The following NLGN4X variants were observed in gnomAD, a reference collection of about 807,000 sequenced individuals.
The protein encoded by NLGN4X is neuroligin 4 X-linked, also known as neuroligin-4, X-linked.
Under a neutral mutation model 40.3 loss-of-function variants are expected in NLGN4X, and 3 were observed. The ratio of observed to expected loss-of-function variants is 0.07; its 90% CI spans 0.03 to 0.19. The LOEUF (loss-of-function observed/expected upper bound fraction) is 0.19, where lower values mean the gene tolerates loss of function less well. Ranked by LOEUF, NLGN4X falls within the 10% of genes least tolerant of loss-of-function variation. NLGN4X has a pLI of 1.00. For synonymous variants in NLGN4X, 270 were observed against 306.8 expected (o/e 0.88, Z 1.25); for missense variants, 382 against 708.3 (o/e 0.54, Z 5.23).
intron 3 of NLGN4X, among the ~76,000 whole-genome samples, chrX:5,957,326 T>C (rs1462342892): frequency 9.0e-6 from 1 of 111,683 alleles, no homozygotes; most frequent in Admixed American, 9.6e-5. Context: ...AACTTTAGCA[T>C]CTGAGTTCCA....
intron 2 of NLGN4X, among the ~76,000 whole-genome samples, chrX:6,091,419 C>T (rs771116746): frequency 1.2e-4 from 13 of 111,219 alleles, no homozygotes; most frequent in African/African-American, 4.2e-4. Context: ...TGTCTTACAT[C>T]CTGTGTTCCA....
intron 3 of NLGN4X, among the ~76,000 whole-genome samples, chrX:5,919,653 G>A (rs1443486723): frequency 9.0e-6 from 1 of 111,497 alleles, no homozygotes; most frequent in Non-Finnish European, 1.9e-5. Flanking sequence ...TCTCATAGGA[G>A]TGTGAACCCT....
intron 2 of NLGN4X, among the ~76,000 whole-genome samples, chrX:6,124,754 A>G (rs1252516520): frequency 8.9e-6 from 1 of 111,976 alleles, no homozygotes; most frequent in Admixed American, 9.5e-5. Context: ...GTGGGTATCT[A>G]TGGAAACCTA....
At position 6,110,487 on chromosome X, in the gene NLGN4X, A is replaced by T. The variant is rs1055535379; in HGVS notation, c.472+40508T>A. ...AACCCTATAAGCAGATACGCAGCAG[A>T]TTGGTTCTTCTAATATGCTTCTCTA... On this transcript the variant is annotated intron_variant, in intron 2 of 5. Coordinates refer to ENST00000381095, the MANE Select transcript of NLGN4X (RefSeq NM_181332.3). Among the ~76,000 whole-genome samples the T allele has an allele frequency of 1.6e-4, 18 of 111,946 alleles. 1 individual carries two copies. Among genetic ancestry groups the T allele is most frequent in the African/African-American group, 5.9e-4 (18 of 30,747 alleles).
intron 2 of NLGN4X, among the ~76,000 whole-genome samples, chrX:6,052,910 G>A (rs1245421184): frequency 8.9e-6 from 1 of 112,122 alleles, no homozygotes; most frequent in Non-Finnish European, 1.9e-5. Flanking sequence ...CTTCCCTGGT[G>A]TTTTGAAAAC....
intron 3 of NLGN4X, among the ~76,000 whole-genome samples, chrX:5,924,184 T>A (rs1479572340): frequency 2.7e-5 from 3 of 111,674 alleles, no homozygotes; most frequent in Non-Finnish European, 5.6e-5. Context: ...CGAAGATGTA[T>A]CTGGGTCCAC....
chrX:6,071,201 G>A (rs1275096788), intron 2 of NLGN4X, among the ~76,000 whole-genome samples: 1 of 111,699 alleles, frequency 9.0e-6, no homozygotes, highest in African/African-American at 3.3e-5. Context: ...ATATGAAACA[G>A]TGTGTATTGC....
At chrX:5,990,968 C>A (rs192840106) in intron 3 of NLGN4X, among the ~76,000 whole-genome samples, 11 of 111,073 alleles carry the variant, frequency 9.9e-5, no homozygotes, top group African/African-American at 3.7e-4. Context: ...TACAATAATA[C>A]CAGCACATGC....
At chrX:6,030,394 A>ATGTGTGTGTGTG (rs35006258) in intron 2 of NLGN4X, among the ~76,000 whole-genome samples, 65 of 100,133 alleles carry the variant, frequency 6.5e-4, no homozygotes, top group African/African-American at 2.2e-3. Context: ...GGATACAGAT[A>ATGTGTGTGTGTG]TGTGTGTGTG....
rs1001508631 is a variant in NLGN4X, at chrX:6,179,692, C to T, written c.-305-27921G>A. Among the ~76,000 whole-genome samples the T allele has an allele frequency of 1.1e-4, 12 of 111,643 alleles. No individual in the cohort carries two copies. The Admixed American group carries it at 1.1e-3, about 11-fold the overall frequency. ...TCATTGCTTTCAGTTTTCTCAGTAG[C>T]GACCATTTGCCACCTGCAGCCCAAT... On this transcript the variant is annotated intron_variant, in intron 1 of 5. Coordinates refer to ENST00000381095, the MANE Select transcript of NLGN4X (RefSeq NM_181332.3).
chrX:6,207,727 G>A (rs1489498173), intron 1 of NLGN4X, among the ~76,000 whole-genome samples: 1 of 111,562 alleles, frequency 9.0e-6, no homozygotes, highest in Non-Finnish European at 1.9e-5. Flanking sequence ...AATGAAATGA[G>A]GCTTATTGCT....
intron 3 of NLGN4X, among the ~76,000 whole-genome samples, chrX:5,953,033 C>G (rs184929304): frequency 9.1e-6 from 1 of 110,483 alleles, no homozygotes; most frequent in African/African-American, 3.3e-5. Context: ...GTATCTCGTT[C>G]ACTATCCAAA....
chrX:5,906,185 G>T (rs769624681), intron 4 of NLGN4X, among the ~76,000 whole-genome samples: 1 of 111,799 alleles, frequency 8.9e-6, no homozygotes, highest in South Asian at 3.8e-4. Context: ...TGAAAATCGA[G>T]GTATTTTCAA....
At chrX:5,907,360 C>T (rs2032241957) in intron 4 of NLGN4X, among the ~76,000 whole-genome samples, 1 of 111,672 alleles carries the variant, frequency 9.0e-6, no homozygotes, top group South Asian at 3.7e-4. Context: ...AGTCTCTCAT[C>T]GGATACTGCA....
At chrX:6,173,062 G>C (rs866215513) in intron 1 of NLGN4X, among the ~76,000 whole-genome samples, 21 of 111,954 alleles carry the variant, frequency 1.9e-4, no homozygotes, top group Non-Finnish European at 3.4e-4. Flanking sequence ...GGACAGATAC[G>C]GAGTCTGGGC....
rs984148848 is a variant in NLGN4X, at chrX:6,111,799, T to C, written c.472+39196A>G. On this transcript the variant is annotated intron_variant, in intron 2 of 5. Coordinates refer to ENST00000381095, the MANE Select transcript of NLGN4X (RefSeq NM_181332.3). ...TGTTTATAAATTACCCAGTCTAAGG[T>C]ATTTTGTTATAGCAGCCTCGACAGA... Among the ~76,000 whole-genome samples the C allele has an allele frequency of 4.5e-5, 5 of 111,619 alleles. No individual in the cohort carries two copies. In the East Asian group the frequency reaches 1.4e-3, roughly 32 times the overall value.
At chrX:6,153,709 T>C (rs998957247) in intron 1 of NLGN4X, among the ~76,000 whole-genome samples, 7 of 112,296 alleles carry the variant, frequency 6.2e-5, no homozygotes, top group African/African-American at 2.3e-4. Context: ...GTATATAAAG[T>C]TAGTTCCATA....
intron 2 of NLGN4X, among the ~76,000 whole-genome samples, chrX:6,082,185 T>A (rs2038365299): frequency 8.9e-6 from 1 of 112,055 alleles, no homozygotes; most frequent in Non-Finnish European, 1.9e-5. Context: ...CATTTATCAA[T>A]CCAGAAATCA....
At chrX:5,901,600 T>C (rs1359379343) in intron 5 of NLGN4X, among the ~76,000 whole-genome samples, 1 of 111,313 alleles carries the variant, frequency 9.0e-6, no homozygotes, top group African/African-American at 3.3e-5. Flanking sequence ...TTGTATATTT[T>C]ATATTTTCTA....
Sources: gnomAD v4.1 joint callset for allele counts (sites outside exome capture counted in the v4.1 genomes callset) on GRCh38, gnomAD v4.1.1 for gene constraint, MANE v1.5 for transcripts, NCBI Gene and HGNC (gene_info 2026-07-23, HGNC 2026-07-21) for gene names.